ARHGAP15: variants seen among roughly 807,000 people sequenced by gnomAD.
ARHGAP15 encodes the protein rho GTPase-activating protein 15.
ARHGAP15 carries 51 observed loss-of-function variants against 63.7 expected under a neutral mutation model. That is an observed-to-expected ratio of 0.80 (90% CI 0.64 to 1.01). ARHGAP15 has a LOEUF of 1.01. Ranked by LOEUF, ARHGAP15 falls within the 50% of genes least tolerant of loss-of-function variation. The probability of loss-of-function intolerance (pLI) is 0.00; values close to 1 mark genes in which losing one functional copy is unlikely to be tolerated. For synonymous variants in ARHGAP15, 191 were observed against 193.8 expected, an observed-to-expected ratio of 0.99 and a Z score of 0.12; for missense variants, 560 against 564.6, an observed-to-expected ratio of 0.99 and a Z score of 0.08.
At chr2:143,665,755 G>A (rs1162782047) in intron 12 of ARHGAP15, among the ~76,000 whole-genome samples, 5 of 151,584 alleles carry the variant, frequency 3.3e-5, no homozygotes, top group Admixed American at 2.0e-4. Flanking sequence ...AAAATCACAG[G>A]CATTCTTATA....
chr2:143,573,104 A>G (rs891286473), intron 11 of ARHGAP15, among the ~76,000 whole-genome samples: 1 of 152,190 alleles, frequency 6.6e-6, no homozygotes, highest in Non-Finnish European at 1.5e-5. Flanking sequence ...CAGCTTCATG[A>G]CTCAAAAGTC....
chr2:143,291,819 C>T (rs1301954107), intron 6 of ARHGAP15, among the ~76,000 whole-genome samples: 1 of 152,068 alleles, frequency 6.6e-6, no homozygotes, highest in Non-Finnish European at 1.5e-5. Flanking sequence ...TTCACCAAGG[C>T]TAGAGCTGAG....
intron 6 of ARHGAP15, among the ~76,000 whole-genome samples, chr2:143,343,208 T>C (rs990820918): frequency 6.6e-6 from 1 of 152,026 alleles, no homozygotes; most frequent in Non-Finnish European, 1.5e-5. Context: ...AATCTGAGTT[T>C]TCATGGATAA....
chr2:143,633,705 C>T (rs753349991), intron 12 of ARHGAP15, among the ~76,000 whole-genome samples: 1 of 152,114 alleles, frequency 6.6e-6, no homozygotes, highest in Non-Finnish European at 1.5e-5. Flanking sequence ...AAAATTTCTC[C>T]TCAAAACTTG....
At chr2:143,302,976 C>T (rs764034706) in intron 6 of ARHGAP15, among the ~76,000 whole-genome samples, 38 of 152,024 alleles carry the variant, frequency 2.5e-4, no homozygotes, top group Non-Finnish European at 4.6e-4. Context: ...TAATCCCTGG[C>T]TTGTCCATTT....
At chr2:143,510,172 C>G (rs905002274) in intron 9 of ARHGAP15, among the ~76,000 whole-genome samples, 1 of 151,936 alleles carries the variant, frequency 6.6e-6, no homozygotes, top group Non-Finnish European at 1.5e-5. Context: ...GCTGAAATCA[C>G]CCATGTTTGG....
At chr2:143,652,309 T>C (rs1031771266) in intron 12 of ARHGAP15, among the ~76,000 whole-genome samples, 9 of 152,176 alleles carry the variant, frequency 5.9e-5, no homozygotes, top group African/African-American at 1.9e-4. Flanking sequence ...AAAACAGCCA[T>C]AGGCAATATG....
chr2:143,333,671 A>G (rs1284574749), intron 6 of ARHGAP15, among the ~76,000 whole-genome samples: 1 of 152,148 alleles, frequency 6.6e-6, no homozygotes, highest in African/African-American at 2.4e-5. Flanking sequence ...CTACTTCAAT[A>G]ATTGATCAGG....
At chr2:143,454,317 A>C (rs1690546322) in intron 8 of ARHGAP15, among the ~76,000 whole-genome samples, 1 of 152,058 alleles carries the variant, frequency 6.6e-6, no homozygotes, top group South Asian at 2.1e-4. Context: ...AATCATACAG[A>C]TACCTTTACT....
At chr2:143,474,761 A>C (rs1040904748) in intron 8 of ARHGAP15, among the ~76,000 whole-genome samples, 9 of 152,182 alleles carry the variant, frequency 5.9e-5, no homozygotes, top group Non-Finnish European at 8.8e-5. Context: ...TTCCCTCCAG[A>C]TTTAATATTT....
intron 6 of ARHGAP15, among the ~76,000 whole-genome samples, chr2:143,427,727 C>T (rs1454562260): frequency 6.6e-6 from 1 of 151,982 alleles, no homozygotes; most frequent in Admixed American, 6.6e-5. Flanking sequence ...GAAAATATAG[C>T]CTTCAGACTG....
At chr2:143,499,308 C>T (rs1692953545) in intron 9 of ARHGAP15, among the ~76,000 whole-genome samples, 1 of 152,148 alleles carries the variant, frequency 6.6e-6, no homozygotes, top group Non-Finnish European at 1.5e-5. Flanking sequence ...TTCAGAATAA[C>T]TACAGATGCC....
chr2:143,587,444 G>C (rs1421262284), intron 11 of ARHGAP15, among the ~76,000 whole-genome samples: 1 of 152,050 alleles, frequency 6.6e-6, no homozygotes, highest in Non-Finnish European at 1.5e-5. Flanking sequence ...AAAGAAATTA[G>C]TTCTGATGCT....
At chr2:143,636,697 C>G (rs1239512820) in intron 12 of ARHGAP15, among the ~76,000 whole-genome samples, 1 of 152,120 alleles carries the variant, frequency 6.6e-6, no homozygotes, top group Non-Finnish European at 1.5e-5. Context: ...TCAGTGCTCT[C>G]CTTTCTTCCT....
intron 13 of ARHGAP15, among the ~76,000 whole-genome samples, chr2:143,750,515 C>A (rs1009113417): frequency 4.6e-5 from 7 of 152,182 alleles, no homozygotes; most frequent in African/African-American, 1.7e-4. Flanking sequence ...TCAAAACAAC[C>A]TATGAGATCA....
intron 11 of ARHGAP15, chr2:143,606,627 T>G (rs1253875698): frequency 6.6e-6 from 1 of 152,194 alleles, no homozygotes; most frequent in Non-Finnish European, 1.5e-5. Context: ...TCCTATTTTT[T>G]GTCAGCTGGT....
At chr2:143,453,797 C>T (rs936029585) in intron 8 of ARHGAP15, among the ~76,000 whole-genome samples, 8 of 142,620 alleles carry the variant, frequency 5.6e-5, no homozygotes, top group South Asian at 4.5e-4. Flanking sequence ...TTTATCCAAT[C>T]GGAAAAAAAA....
chr2:143,684,015 C>CA (rs2105376621), intron 12 of ARHGAP15, among the ~76,000 whole-genome samples: 1 of 152,190 alleles, frequency 6.6e-6, no homozygotes, highest in East Asian at 1.9e-4. Flanking sequence ...AAGAAGAAAA[C>CA]TTAAAAAAAA....
intron 12 of ARHGAP15, among the ~76,000 whole-genome samples, chr2:143,666,136 G>C (rs1385440800): frequency 6.6e-6 from 1 of 151,588 alleles, no homozygotes; most frequent in African/African-American, 2.4e-5. Context: ...AAAGAACAAA[G>C]CTGGAGGCAT....
Sources: gnomAD v4.1 joint callset for allele counts (sites outside exome capture counted in the v4.1 genomes callset) on GRCh38, gnomAD v4.1.1 for gene constraint, MANE v1.5 for transcripts, NCBI Gene and HGNC (gene_info 2026-07-23, HGNC 2026-07-21) for gene names.